Variants in IREB2 observed in about 807,000 individuals in gnomAD.
The protein encoded by IREB2 is iron-responsive element-binding protein 2.
IREB2 carries 39 observed loss-of-function variants against 118.8 expected under a neutral mutation model. The observed-to-expected ratio is 0.33, with a 90% CI of 0.25 to 0.43. IREB2 has a LOEUF of 0.43. IREB2 is among the 20% of genes least tolerant of loss of function. The pLI is 1.00. For missense variants in IREB2, 900 were observed against 1,147.3 expected, an observed-to-expected ratio of 0.78 and a Z score of 3.11; for synonymous variants, 372 against 392.2, an observed-to-expected ratio of 0.95 and a Z score of 0.61.
At chr15:78,473,170 G>A (rs1435470779) in intron 7 of IREB2, 72 bp from the exon 8 acceptor site, 8 of 1,394,974 alleles carry the variant, frequency 5.7e-6, no homozygotes, top group Non-Finnish European at 8.0e-6. Context: ...GAAACACCTA[G>A]AGATTCAGAT....
chr15:78,440,371 T>C (rs1391910766), intron 2 of IREB2, among the ~76,000 whole-genome samples: 1 of 53,860 alleles, frequency 1.9e-5, no homozygotes, highest in African/African-American at 5.5e-5. Context: ...TTTTCTTTTC[T>C]TTTTTTTTTT....
At chr15:78,472,028 T>C in intron 7 of IREB2, 104 bp downstream of exon 7, 1 of 813,558 alleles carries the variant, frequency 1.2e-6, no homozygotes, top group African/African-American at 1.7e-5. Context: ...TTTGAGGCTC[T>C]GTGTTTTTCA....
chr15:78,478,164 G>T lies in IREB2; in HGVS notation c.1196-133G>T, dbSNP rs991012466. ...TGGGAGGATTGCTTGAGCTCGGGAG[G>T]TCAAGGTTGCAGTGAGCTGTGATTG... On this transcript the variant is annotated intron_variant, in intron 9 of 21. Transcript: ENST00000258886. 5.1e-6 allele frequency: 3 copies of T among 593,170 alleles called. No homozygotes were observed. The East Asian group carries it at 8.9e-5, about 18-fold the overall frequency. 36.7% of individuals were successfully genotyped at this position (593,170 alleles called of 1,614,324 possible).
At position 78,499,807 on chromosome 15, in the gene IREB2, T is replaced by C. The variant is rs1354238009; in HGVS notation, c.*1664T>C. On this transcript the variant is annotated 3_prime_UTR_variant, in exon 22 of 22. Transcript: ENST00000258886. ...AAAGATGAAATGCCTGTATGTGCTC[T>C]GAAGAAATGGTAATTCCAGATTGTG... is the stretch of plus-strand genomic sequence containing the variant. 1 of 152,230 alleles carries C rather than the reference T, an allele frequency of 6.6e-6. No individual in the cohort carries two copies. Among genetic ancestry groups the C allele is most frequent in the East Asian group, 1.9e-4 (1 of 5,198 alleles). The allele number at this position is 152,230 out of a possible 1,614,324, so 9.4% of individuals were successfully genotyped here.
intron 6 of IREB2, 129 bp downstream of exon 6, chr15:78,470,730 T>C (rs1323309033): frequency 2.1e-6 from 1 of 482,010 alleles, no homozygotes; most frequent in African/African-American, 2.1e-5. Flanking sequence ...AATCTCGCCC[T>C]GTTACCCAGG....
intron 2 of IREB2, among the ~76,000 whole-genome samples, chr15:78,456,382 G>T (rs148584551): frequency 6.6e-6 from 1 of 152,280 alleles, no homozygotes; most frequent in African/African-American, 2.4e-5. Context: ...TGTGGGACCA[G>T]GTGTGGTGGC....
intron 2 of IREB2, among the ~76,000 whole-genome samples, chr15:78,457,311 A>T (rs1398206224): frequency 6.6e-6 from 1 of 152,048 alleles, no homozygotes; most frequent in African/African-American, 2.4e-5. Context: ...TAGCTTGCAC[A>T]GCCGTTGTTG....
chr15:78,460,878 G>A (rs1303727184), intron 2 of IREB2, among the ~76,000 whole-genome samples: 1 of 151,780 alleles, frequency 6.6e-6, no homozygotes, highest in Non-Finnish European at 1.5e-5. Flanking sequence ...GTGCGCTATT[G>A]GAAACTGAAA....
In IREB2 at chr15:78,500,136, C is replaced by T. The variant is rs1596021469; in HGVS notation, c.*1993C>T. The T allele has an allele frequency of 6.6e-6, 1 of 152,384 alleles. No individual in the cohort carries two copies. Among genetic ancestry groups the T allele is most frequent in the East Asian group, 1.9e-4 (1 of 5,188 alleles). 9.4% of individuals were successfully genotyped at this position (152,384 alleles called of 1,614,324 possible). A position where few individuals can be genotyped will look rare whatever the true frequency, so the allele number is the denominator to read the frequency against. On this transcript the variant is annotated 3_prime_UTR_variant, in exon 22 of 22. Coordinates refer to ENST00000258886, the MANE Select transcript of IREB2 (RefSeq NM_004136.4). ...AAGTGCTGGGATTACAGGTGTGAGC[C>T]ACCACACCCGGCCTATATTGTTTTG...
At chr15:78,472,467 A>C (rs2051396153) in intron 7 of IREB2, among the ~76,000 whole-genome samples, 1 of 151,970 alleles carries the variant, frequency 6.6e-6, no homozygotes, top group Non-Finnish European at 1.5e-5. Flanking sequence ...CCTGGGTTCA[A>C]GCAATTCTTG....
chr15:78,484,802 G>T lies in IREB2; in HGVS notation c.1455G>T (p.Lys485Asn). The T allele has an allele frequency of 6.2e-7, 1 of 1,613,544 alleles. No homozygotes were observed. The highest frequency in any genetic ancestry group is 2.2e-5 in the East Asian group (1 of 44,872). ...TCCAAATTGCAGCTGAAAAACAAAA[G>T]GATATTGTCTCCATTCATTATGAAG... Reference protein sequence around the residue: ...KGFQIAAEKQKDIVSIHYEGS... With the variant: ...KGFQIAAEKQNDIVSIHYEGS... The change falls in exon 12 of 22, where the codon AAG becomes AAT. Residue 485 changes from lysine (K) to asparagine (N), a missense_variant. Lys to Asn is a moderately conservative substitution (Grantham distance 94). Coordinates refer to ENST00000258886, the MANE Select transcript of IREB2 (RefSeq NM_004136.4).
At chr15:78,450,824 T>TGTGTG (rs2051011810) in intron 2 of IREB2, among the ~76,000 whole-genome samples, 1 of 134,020 alleles carries the variant, frequency 7.5e-6, no homozygotes, top group Non-Finnish European at 1.6e-5. Flanking sequence ...ATTAACAAAT[T>TGTGTG]TGTGTGTGTG....
chr15:78,495,869 G>A (rs1428613259), intron 20 of IREB2, among the ~76,000 whole-genome samples: 3 of 152,026 alleles, frequency 2.0e-5, no homozygotes, highest in Non-Finnish European at 2.9e-5. Flanking sequence ...ACACAATTTG[G>A]GGGAAAAAAG....
At chr15:78,479,847 G>A (rs2051535948) in intron 10 of IREB2, among the ~76,000 whole-genome samples, 1 of 151,548 alleles carries the variant, frequency 6.6e-6, no homozygotes, top group African/African-American at 2.4e-5. Flanking sequence ...CTTGAGCCCA[G>A]GAGGTCAAGG....
intron 3 of IREB2, among the ~76,000 whole-genome samples, chr15:78,463,490 G>GT (rs552008204): frequency 0.034 from 5,074 of 147,612 alleles, 154 homozygotes; most frequent in African/African-American, 0.071. Flanking sequence ...GGATGGCTCT[G>GT]TGTTTTTTTG....
intron 2 of IREB2, among the ~76,000 whole-genome samples, chr15:78,440,455 T>C (rs1276904195): frequency 6.6e-6 from 1 of 152,014 alleles, no homozygotes; most frequent in Non-Finnish European, 1.5e-5. Flanking sequence ...CTTGAACTCC[T>C]GGGCTAAAGC....
chr15:78,445,819 C>G (rs541692273), intron 2 of IREB2, among the ~76,000 whole-genome samples: 1 of 151,682 alleles, frequency 6.6e-6, no homozygotes, highest in Non-Finnish European at 1.5e-5. Context: ...GGGTCTTGCT[C>G]TGTTGCCCAG....
chr15:78,483,697 C>T (rs367639409), intron 11 of IREB2, among the ~76,000 whole-genome samples: 4 of 151,846 alleles, frequency 2.6e-5, no homozygotes, highest in Non-Finnish European at 5.9e-5. Context: ...TTCTTAGTCA[C>T]AGTAGTCTCA....
At chr15:78,488,499 A>G (rs1172481010) in intron 15 of IREB2, 148 bp from the exon 16 acceptor site, 7 of 964,336 alleles carry the variant, frequency 7.3e-6, no homozygotes, top group African/African-American at 1.7e-5. Context: ...AGAAAATAAA[A>G]TGTACAGGTA....
Sources: allele counts gnomAD v4.1 joint callset (sites outside exome capture counted in the v4.1 genomes callset), GRCh38; gene constraint gnomAD v4.1.1; transcripts MANE v1.5; gene names NCBI Gene and HGNC (gene_info 2026-07-23, HGNC 2026-07-21).